The following PAX5 variants were observed in gnomAD, a reference collection of about 807,000 sequenced individuals.
PAX5 encodes the protein paired box 5, also known as paired box protein Pax-5.
A neutral mutation model predicts 43.7 loss-of-function variants in PAX5; 9 were observed. The ratio of observed to expected loss-of-function variants is 0.21; its 90% CI spans 0.12 to 0.36. The LOEUF is 0.36. Among genes scored for constraint, PAX5 ranks in the 10% least tolerant of loss-of-function variants. The pLI, the probability that PAX5 is intolerant of heterozygous loss-of-function variation, is 1.00. For synonymous variants in PAX5, 228 were observed against 214.3 expected (o/e 1.06, Z -0.56); for missense variants, 383 against 532.7 (o/e 0.72, Z 2.77).
chr9:36,856,974 G>T (rs754263146), intron 8 of PAX5, among the ~76,000 whole-genome samples: 17 of 152,168 alleles, frequency 1.1e-4, no homozygotes, highest in Non-Finnish European at 2.2e-4. Context: ...CCATCCCAGG[G>T]CCTAACCCAC....
At chr9:36,920,858 G>A (rs1460208208) in intron 7 of PAX5, among the ~76,000 whole-genome samples, 2 of 136,562 alleles carry the variant, frequency 1.5e-5, no homozygotes, top group Non-Finnish European at 3.0e-5. Flanking sequence ...TTGTGGCCCA[G>A]GCTGGAGTGC....
rs1830337903 is a variant in PAX5 at position 36,923,345 on chromosome 9, G to A, written c.910+10C>T. Reference sequence around the variant, plus strand: ...CCCTCACTCATCCCCCATGCCCCAGGTGCCCTCACCTGTCACAATGGGGTA... The same window carrying A: ...CCCTCACTCATCCCCCATGCCCCAGATGCCCTCACCTGTCACAATGGGGTA... On this transcript the variant is annotated intron_variant, in intron 7 of 9. Transcript: ENST00000358127. 2.5e-6 allele frequency: 4 copies of A among 1,607,632 alleles called. No homozygotes were observed. Among genetic ancestry groups the A allele is most frequent in the Non-Finnish European group, 3.4e-6 (4 of 1,176,912 alleles).
chr9:36,966,524 G>A, intron 6 of PAX5, 25 bp downstream of exon 6: 1 of 1,602,690 alleles, frequency 6.2e-7, no homozygotes, highest in Non-Finnish European at 8.5e-7. Context: ...TGGCAGGTGT[G>A]GTGGGCGTGC....
At chr9:36,974,117 C>T (rs1408855400) in intron 5 of PAX5, among the ~76,000 whole-genome samples, 2 of 152,108 alleles carry the variant, frequency 1.3e-5, no homozygotes, top group Non-Finnish European at 2.9e-5. Context: ...GAGTTCAAGG[C>T]TTCAGTGAGC....
intron 7 of PAX5, among the ~76,000 whole-genome samples, chr9:36,911,335 T>G (rs541498972): frequency 1.1e-4 from 11 of 100,436 alleles, no homozygotes; most frequent in Admixed American, 5.9e-4. Context: ...AACTTTTTTT[T>G]TTTTTGAGAT....
intron 8 of PAX5, among the ~76,000 whole-genome samples, chr9:36,857,904 T>C (rs929711552): frequency 1.3e-5 from 2 of 152,092 alleles, no homozygotes; most frequent in African/African-American, 2.4e-5. Flanking sequence ...TTTTTGTAAA[T>C]AATTGTAGAA....
At chr9:36,990,971 A>T (rs1363230841) in intron 5 of PAX5, among the ~76,000 whole-genome samples, 1 of 152,140 alleles carries the variant, frequency 6.6e-6, no homozygotes, top group East Asian at 1.9e-4. Flanking sequence ...TTAACCAGGC[A>T]TGGCGGTTCA....
intron 6 of PAX5, among the ~76,000 whole-genome samples, chr9:36,935,557 C>A (rs1284704424): frequency 6.6e-6 from 1 of 152,168 alleles, no homozygotes; most frequent in Non-Finnish European, 1.5e-5. Flanking sequence ...CAGGGGAAGC[C>A]CAGGGAGGCC....
At chr9:37,029,791 T>C (rs899244423) in intron 1 of PAX5, among the ~76,000 whole-genome samples, 1 of 152,152 alleles carries the variant, frequency 6.6e-6, no homozygotes, top group Non-Finnish European at 1.5e-5. Flanking sequence ...TCTAGATTCT[T>C]AGAGCTAAAA....
At chr9:36,846,236 A>C (rs1822561392) in intron 9 of PAX5, among the ~76,000 whole-genome samples, 1 of 152,256 alleles carries the variant, frequency 6.6e-6, no homozygotes, top group Admixed American at 6.5e-5. Flanking sequence ...TTCACAGATC[A>C]GACTGCCACC....
At chr9:36,913,798 T>G (rs12346250) in intron 7 of PAX5, among the ~76,000 whole-genome samples, 2,937 of 152,266 alleles carry the variant, frequency 0.019, 96 homozygotes, top group African/African-American at 0.067. Flanking sequence ...GGTAGAGCCC[T>G]GGGCCGGGCT....
chr9:36,965,276 G>A (rs1306833979), intron 6 of PAX5, among the ~76,000 whole-genome samples: 1 of 152,184 alleles, frequency 6.6e-6, no homozygotes, highest in Non-Finnish European at 1.5e-5. Flanking sequence ...GGCTCCCTGA[G>A]GGGAGGTCCA....
intron 6 of PAX5, among the ~76,000 whole-genome samples, chr9:36,937,689 T>C (rs1214808414): frequency 6.6e-6 from 1 of 152,188 alleles, no homozygotes; most frequent in Non-Finnish European, 1.5e-5. Flanking sequence ...AGTTCCTGTC[T>C]ATCCACCCCT....
At chr9:36,934,074 C>T (rs905542855) in intron 6 of PAX5, among the ~76,000 whole-genome samples, 2 of 152,236 alleles carry the variant, frequency 1.3e-5, no homozygotes, top group Non-Finnish European at 2.9e-5. Flanking sequence ...AATCCAGAGG[C>T]CTGACAGCAA....
intron 1 of PAX5, chr9:37,026,437 C>T: frequency 1.9e-6 from 2 of 1,074,488 alleles, no homozygotes; most frequent in Non-Finnish European, 2.5e-6. Context: ...TGCAGAGGTC[C>T]GAGATCCTTC....
chr9:36,961,388 A>G (rs1053366558), intron 6 of PAX5, among the ~76,000 whole-genome samples: 1 of 152,120 alleles, frequency 6.6e-6, no homozygotes, highest in African/African-American at 2.4e-5. Flanking sequence ...CCCCTTCCCC[A>G]GCTGTCTCTC....
intron 5 of PAX5, among the ~76,000 whole-genome samples, chr9:36,996,766 TGGGCAGGGCTGAGGGGG>T (rs1837429021): frequency 6.6e-6 from 1 of 152,050 alleles, no homozygotes; most frequent in South Asian, 2.1e-4. Context: ...GGAGGTCTGC[TGGGCAGGGCTGAGGGGG>T]CGTCCAGCCT....
intron 5 of PAX5, among the ~76,000 whole-genome samples, chr9:36,992,149 CAT>C (rs772909597): frequency 1.3e-3 from 175 of 136,328 alleles, no homozygotes; most frequent in Non-Finnish European, 2.2e-3. Context: ...CACACACACA[CAT>C]GAGTCAACCA....
chr9:37,027,088 A>C (rs1316869235), intron 1 of PAX5, among the ~76,000 whole-genome samples: 1 of 152,104 alleles, frequency 6.6e-6, no homozygotes, highest in Non-Finnish European at 1.5e-5. Flanking sequence ...TCTCCGCCAG[A>C]TCCTTTCTTT....
Sources: allele counts gnomAD v4.1 joint callset (sites outside exome capture counted in the v4.1 genomes callset), GRCh38; gene constraint gnomAD v4.1.1; transcripts MANE v1.5; gene names NCBI Gene and HGNC (gene_info 2026-07-23, HGNC 2026-07-21).